FRMD4B: variants seen among roughly 807,000 people sequenced by gnomAD.
FRMD4B encodes FERM domain containing 4B.
Under a neutral mutation model 141.5 loss-of-function variants are expected in FRMD4B, and 74 were observed. That is an observed-to-expected ratio of 0.52 (90% CI 0.43 to 0.63). The LOEUF is 0.63. Among genes scored for constraint, FRMD4B ranks in the 30% least tolerant of loss-of-function variants. FRMD4B has a pLI of 0.00. For synonymous variants in FRMD4B, 506 were observed against 467.9 expected, an observed-to-expected ratio of 1.08 and a Z score of -1.05; for missense variants, 1,366 against 1,253.4, an observed-to-expected ratio of 1.09 and a Z score of -1.36.
intron 2 of FRMD4B, among the ~76,000 whole-genome samples, chr3:69,395,433 T>A (rs1340733158): frequency 6.6e-6 from 1 of 152,146 alleles, no homozygotes; most frequent in Non-Finnish European, 1.5e-5. Flanking sequence ...ATCAGTGGCT[T>A]GCAAAGTATT....
chr3:69,292,814 C>G (rs982897460), intron 4 of FRMD4B, among the ~76,000 whole-genome samples: 1 of 66,494 alleles, frequency 1.5e-5, no homozygotes, highest in Non-Finnish European at 3.4e-5. Context: ...TTTTTTTCAG[C>G]CTTTTTTTTT....
At chr3:69,185,562 G>C (rs1181753813) in intron 19 of FRMD4B, among the ~76,000 whole-genome samples, 1 of 152,090 alleles carries the variant, frequency 6.6e-6, no homozygotes, top group Non-Finnish European at 1.5e-5. Flanking sequence ...AGGCTACCTA[G>C]GTTCAAACCT....
In FRMD4B at chr3:69,497,801, G is replaced by A. The variant is rs989222929; in HGVS notation, c.-129+44405C>T. ...ACAGGTACAATCATGGTGCACTGCA[G>A]TCTCAAACTCCTGAGCTCAAGTGAT... is the stretch of plus-strand genomic sequence containing the variant. On this transcript the variant is annotated intron_variant, in intron 1 of 5. Transcript: ENST00000459638. Among the ~76,000 whole-genome samples the A allele has an allele frequency of 2.0e-5, 3 of 152,126 alleles. No individual in the cohort carries two copies. The East Asian group carries it at 5.8e-4, about 29-fold the overall frequency.
intron 1 of FRMD4B, among the ~76,000 whole-genome samples, chr3:69,368,910 C>T (rs1373444890): frequency 6.6e-6 from 1 of 152,214 alleles, no homozygotes; most frequent in Non-Finnish European, 1.5e-5. Context: ...ATTCTCTCAC[C>T]TCGGCCTCCC....
At chr3:69,537,868 C>A (rs1338025371) in intron 1 of FRMD4B, among the ~76,000 whole-genome samples, 1 of 152,214 alleles carries the variant, frequency 6.6e-6, no homozygotes, top group East Asian at 1.9e-4. Flanking sequence ...ACTTTCTTAG[C>A]CTTAATTTCC....
chr3:69,223,040 T>G (rs2093212411), intron 8 of FRMD4B, among the ~76,000 whole-genome samples: 1 of 152,228 alleles, frequency 6.6e-6, no homozygotes, highest in South Asian at 2.1e-4. Context: ...TCTGAGTCTG[T>G]GTGCAATCTA....
At chr3:69,285,965 C>T (rs546646355) in intron 5 of FRMD4B, among the ~76,000 whole-genome samples, 8 of 152,278 alleles carry the variant, frequency 5.3e-5, no homozygotes, top group Non-Finnish European at 1.2e-4. Context: ...GCAGACTTCT[C>T]ATCAGAAACA....
At chr3:69,483,367 T>C (rs1050803487) in intron 1 of FRMD4B, among the ~76,000 whole-genome samples, 3 of 152,228 alleles carry the variant, frequency 2.0e-5, no homozygotes, top group African/African-American at 7.2e-5. Flanking sequence ...GATTGTATTT[T>C]CCCTTATGAA....
intron 1 of FRMD4B, among the ~76,000 whole-genome samples, chr3:69,328,801 AAAGGGAAGGAACCCTCACTTCTGGG>A (rs1288176863): frequency 2.6e-5 from 4 of 152,184 alleles, no homozygotes; most frequent in African/African-American, 9.7e-5. Flanking sequence ...TATTGTCTAA[AAAGGGAAGGAACCCTCACTTCTGGG>A]AACTGCCTGC....
chr3:69,243,906 C>A (rs1306420305), intron 7 of FRMD4B, among the ~76,000 whole-genome samples: 1 of 152,116 alleles, frequency 6.6e-6, no homozygotes, highest in Non-Finnish European at 1.5e-5. Flanking sequence ...AATAGCTGGG[C>A]ATGGTGGTGC....
At chr3:69,205,756 G>C (rs1023111794) in intron 11 of FRMD4B, among the ~76,000 whole-genome samples, 1 of 152,200 alleles carries the variant, frequency 6.6e-6, no homozygotes, top group African/African-American at 2.4e-5. Flanking sequence ...CTATGGTGCT[G>C]AGATTGGGAA....
intron 1 of FRMD4B, among the ~76,000 whole-genome samples, chr3:69,451,922 A>G (rs1401349789): frequency 6.6e-6 from 1 of 152,258 alleles, no homozygotes; most frequent in East Asian, 1.9e-4. Context: ...GTGCAGAAAG[A>G]GAGACAAGCA....
intron 1 of FRMD4B, among the ~76,000 whole-genome samples, chr3:69,490,460 G>A (rs761927499): frequency 2.0e-5 from 3 of 152,060 alleles, no homozygotes; most frequent in African/African-American, 7.2e-5. Context: ...AACATGCCAG[G>A]CTTGTTCCTA....
intron 4 of FRMD4B, among the ~76,000 whole-genome samples, chr3:69,295,120 A>G (rs900514017): frequency 1.3e-5 from 2 of 152,192 alleles, no homozygotes; most frequent in East Asian, 3.9e-4. Flanking sequence ...ATCCTCCAAC[A>G]ACCCCCAAAG....
intron 17 of FRMD4B, among the ~76,000 whole-genome samples, chr3:69,193,109 C>T (rs2107640840): frequency 6.6e-6 from 1 of 152,156 alleles, no homozygotes; most frequent in Non-Finnish European, 1.5e-5. Flanking sequence ...GTGTGGGGCG[C>T]CATGCTCGTG....
chr3:69,349,575 A>G (rs1426731254), intron 1 of FRMD4B, among the ~76,000 whole-genome samples: 1 of 152,204 alleles, frequency 6.6e-6, no homozygotes, highest in Non-Finnish European at 1.5e-5. Context: ...TTCAAACTAT[A>G]CTACAAGGCT....
At chr3:69,229,237 G>A (rs181594795) in intron 7 of FRMD4B, among the ~76,000 whole-genome samples, 183 of 152,020 alleles carry the variant, frequency 1.2e-3, no homozygotes, top group African/African-American at 3.9e-3. Context: ...TGTTGACCTG[G>A]CTGATCTCAA....
rs540400076 is a variant in FRMD4B, at chr3:69,202,158, G to A, written c.877-3384C>T. ...GCGGAGGTTGCAGTGAGCCGAGATC[G>A]CACCACTGCACTCCAACCTTGGCGA... On this transcript the variant is annotated intron_variant, in intron 11 of 22. Transcript: ENST00000398540. 1.7e-4 allele frequency among the ~76,000 whole-genome samples: 26 copies of A among 152,052 alleles called. 1 individual carries two copies. Among genetic ancestry groups the A allele is most frequent in the African/African-American group, 6.3e-4 (26 of 41,450 alleles).
intron 3 of FRMD4B, among the ~76,000 whole-genome samples, chr3:69,305,295 T>A (rs191766405): frequency 2.6e-5 from 4 of 152,328 alleles, no homozygotes; most frequent in Admixed American, 2.6e-4. Flanking sequence ...TTTCCATAGT[T>A]ACAAGACAAG....
Sources: allele counts gnomAD v4.1 joint callset (sites outside exome capture counted in the v4.1 genomes callset), GRCh38; gene constraint gnomAD v4.1.1; transcripts MANE v1.5; gene names NCBI Gene and HGNC (gene_info 2026-07-23, HGNC 2026-07-21).